ZNF695: variants seen among roughly 807,000 people sequenced by gnomAD.
The protein encoded by ZNF695 is zinc finger protein 695.
ZNF695 carries 11 observed loss-of-function variants against 11.2 expected under a neutral mutation model. The observed-to-expected ratio is 0.98, with a 90% CI of 0.62 to 1.62. The LOEUF (loss-of-function observed/expected upper bound fraction) is 1.62, where lower values mean the gene tolerates loss of function less well. Among genes scored for constraint, ZNF695 ranks in the 40% most tolerant of loss-of-function variants. ZNF695 has a pLI of 0.00. For synonymous variants in ZNF695, 190 were observed against 201.4 expected, an observed-to-expected ratio of 0.94 and a Z score of 0.48; for missense variants, 559 against 590.5, an observed-to-expected ratio of 0.95 and a Z score of 0.55.
At chr1:246,953,870 G>A (rs1289521655) in intron 5 of ZNF695, among the ~76,000 whole-genome samples, 6 of 150,704 alleles carry the variant, frequency 4.0e-5, no homozygotes, top group Non-Finnish European at 7.4e-5. Context: ...AGGTTGCAGT[G>A]AGCTGAGATC....
At chr1:247,006,845 G>T (rs1242839586) in intron 1 of ZNF695, among the ~76,000 whole-genome samples, 4 of 152,184 alleles carry the variant, frequency 2.6e-5, no homozygotes, top group Non-Finnish European at 5.9e-5. Context: ...ATACTTAAAT[G>T]GCAGACAATT....
chr1:246,966,960 CAG>C (rs1344000412), intron 5 of ZNF695: 1 of 422,492 alleles, frequency 2.4e-6, no homozygotes, highest in East Asian at 7.1e-5. Context: ...TTTTTTGAGA[CAG>C]AGTTTCACTC....
chr1:246,964,502 G>C (rs193040332), intron 5 of ZNF695, among the ~76,000 whole-genome samples: 1 of 152,228 alleles, frequency 6.6e-6, no homozygotes, highest in Non-Finnish European at 1.5e-5. Context: ...AAGGGTTTTA[G>C]GAACTCTATG....
At chr1:246,958,049 GTTTTGT>G (rs905730490) in intron 5 of ZNF695, among the ~76,000 whole-genome samples, 6 of 150,634 alleles carry the variant, frequency 4.0e-5, no homozygotes, top group African/African-American at 1.2e-4. Context: ...GTTTTGTTTT[GTTTTGT>G]TTTTGTTTTT....
At chr1:246,959,282 CAAAAAAAAAAAAAA>C (rs1189262229) in intron 5 of ZNF695, among the ~76,000 whole-genome samples, 2 of 7,426 alleles carry the variant, frequency 2.7e-4, no homozygotes, top group Non-Finnish European at 4.2e-4. Context: ...GACCCTGTCT[CAAAAAAAAAAAAAA>C]AAAAAAAAAA....
intron 5 of ZNF695, among the ~76,000 whole-genome samples, chr1:246,964,473 C>T (rs60921219): frequency 0.034 from 5,230 of 152,232 alleles, 307 homozygotes; most frequent in African/African-American, 0.11. Flanking sequence ...TCCTAACGCC[C>T]CTATTACTCA....
intron 3 of ZNF695, among the ~76,000 whole-genome samples, chr1:246,992,682 C>T (rs1267007607): frequency 6.6e-6 from 1 of 152,118 alleles, no homozygotes; most frequent in African/African-American, 2.4e-5. Flanking sequence ...ACTATGCACC[C>T]ACAAATTTTT....
At chr1:246,961,792 C>T (rs772421284) in intron 5 of ZNF695, among the ~76,000 whole-genome samples, 1 of 152,206 alleles carries the variant, frequency 6.6e-6, no homozygotes, top group Non-Finnish European at 1.5e-5. Context: ...ATAGCTTGAA[C>T]TTAGTAGTAA....
At chr1:246,990,507 C>T (rs1668999955) in intron 3 of ZNF695, among the ~76,000 whole-genome samples, 1 of 152,174 alleles carries the variant, frequency 6.6e-6, no homozygotes, top group African/African-American at 2.4e-5. Context: ...GGCCCCAGTA[C>T]AGTAACCGCT....
intron 5 of ZNF695, among the ~76,000 whole-genome samples, chr1:246,962,284 C>A: frequency 6.6e-6 from 1 of 152,142 alleles, no homozygotes; most frequent in South Asian, 2.1e-4. Flanking sequence ...CAGCACTGGG[C>A]CCTCATGGCC....
rs1313635738 is a variant in ZNF695 at position 246,952,899 on chromosome 1, C to A, written c.489-7072G>T. On this transcript the variant is annotated intron_variant, in intron 5 of 5. Coordinates refer to the ZNF695 transcript ENST00000487338. Reference sequence around the variant, plus strand: ...TTCAAGAGTTCAAGACCAGCCTGGGCAACATAGTGAGGCCTTATCTGTATA... The same window carrying A: ...TTCAAGAGTTCAAGACCAGCCTGGGAAACATAGTGAGGCCTTATCTGTATA... Among the ~76,000 whole-genome samples, 5 of 149,248 alleles carry A rather than the reference C, an allele frequency of 3.4e-5. 1 individual carries two copies. Among genetic ancestry groups the A allele is most frequent in the African/African-American group, 1.3e-4 (5 of 39,044 alleles).
chr1:246,958,136 G>A (rs901598742), intron 5 of ZNF695, among the ~76,000 whole-genome samples: 7 of 151,140 alleles, frequency 4.6e-5, no homozygotes, highest in Non-Finnish European at 1.0e-4. Context: ...TCGGCTCACT[G>A]CAAGCTCCGC....
At chr1:246,960,896 T>G (rs1276363039) in intron 5 of ZNF695, among the ~76,000 whole-genome samples, 3 of 152,136 alleles carry the variant, frequency 2.0e-5, no homozygotes, top group Non-Finnish European at 4.4e-5. Context: ...CCAGCCTGGG[T>G]GGAGACCCTG....
chr1:246,986,913 T>C lies in ZNF695; in HGVS notation c.*54A>G. On this transcript the variant is annotated 3_prime_UTR_variant, in exon 4 of 4. Coordinates refer to ENST00000339986, the MANE Select transcript of ZNF695 (RefSeq NM_020394.5). ...TCAGTAAAAATATTCTGCTGTGAAGTTGTGAATAGGTATTAAAGACTATGC... is the reference window on the plus strand; with the variant it reads ...TCAGTAAAAATATTCTGCTGTGAAGCTGTGAATAGGTATTAAAGACTATGC... 6.6e-7 allele frequency: 1 copy of C among 1,517,248 alleles called. No homozygotes were observed. The highest frequency in any genetic ancestry group is 8.8e-7 in the Non-Finnish European group (1 of 1,136,374). The allele number at this position is 1,517,248 out of a possible 1,614,324, so 94.0% of individuals were successfully genotyped here. A position where few individuals can be genotyped will look rare whatever the true frequency, so the allele number is the denominator to read the frequency against.
chr1:246,968,673 C>A (rs1158850418), intron 4 of ZNF695: 4 of 152,290 alleles, frequency 2.6e-5, no homozygotes, highest in Non-Finnish European at 4.4e-5. Context: ...GCCTGGATAT[C>A]CAGTTGTTTC....
At chr1:246,968,335 T>C (rs1261789695) in intron 4 of ZNF695, 2 of 152,276 alleles carry the variant, frequency 1.3e-5, no homozygotes, top group Non-Finnish European at 2.9e-5. Flanking sequence ...ATCCTTTGAT[T>C]CCATGTCTAA....
intron 3 of ZNF695, among the ~76,000 whole-genome samples, chr1:246,994,852 AAC>A: frequency 6.6e-6 from 1 of 152,126 alleles, no homozygotes; most frequent in South Asian, 2.1e-4. Context: ...CAAAAACAAA[AAC>A]AAAAAACAAA....
intron 5 of ZNF695, among the ~76,000 whole-genome samples, chr1:246,958,279 T>C (rs61852581): frequency 0.16 from 24,132 of 151,782 alleles, 2,519 homozygotes; most frequent in African/African-American, 0.29. Flanking sequence ...AGGATGTTCT[T>C]GATCTCCTGA....
Position 246,986,649 on chromosome 1 carries a change from A to G in ZNF695, c.*318T>C. ...TTTTTTGAACAAATGTTGTTTCTGCATTTATTACATTTGTAGGGTTTCTCT... is the reference window on the plus strand; with the variant it reads ...TTTTTTGAACAAATGTTGTTTCTGCGTTTATTACATTTGTAGGGTTTCTCT... On this transcript the variant is annotated 3_prime_UTR_variant, in exon 4 of 4. Coordinates refer to ENST00000339986, the MANE Select transcript of ZNF695 (RefSeq NM_020394.5). 1 of 1,052,022 alleles carries G rather than the reference A, an allele frequency of 9.5e-7. No individual in the cohort carries two copies. Among genetic ancestry groups the G allele is most frequent in the Non-Finnish European group, 1.1e-6 (1 of 873,718 alleles). The allele number at this position is 1,052,022 out of a possible 1,614,324, so 65.2% of individuals were successfully genotyped here.
Sources: allele counts gnomAD v4.1 joint callset (sites outside exome capture counted in the v4.1 genomes callset), GRCh38; gene constraint gnomAD v4.1.1; transcripts MANE v1.5; gene names NCBI Gene and HGNC (gene_info 2026-07-23, HGNC 2026-07-21).